The following SLX4 variants were observed in gnomAD, a reference collection of about 807,000 sequenced individuals.
SLX4 encodes structure-specific endonuclease subunit SLX4.
A neutral mutation model predicts 146.2 loss-of-function variants in SLX4; 112 were observed. The ratio of observed to expected loss-of-function variants is 0.77; its 90% CI spans 0.66 to 0.90. SLX4 has a LOEUF of 0.90. Among genes scored for constraint, SLX4 ranks in the 40% least tolerant of loss-of-function variants. The probability of loss-of-function intolerance (pLI) is 0.00; values close to 1 mark genes in which losing one functional copy is unlikely to be tolerated. For synonymous variants in SLX4, 1,061 were observed against 997.7 expected (o/e 1.06, Z -1.20); for missense variants, 2,563 against 2,392.7 (o/e 1.07, Z -1.49).
chr16:3,594,254 C>T (rs1002020915), intron 10 of SLX4, among the ~76,000 whole-genome samples, 199 bp downstream of exon 10: 8 of 152,058 alleles, frequency 5.3e-5, no homozygotes, highest in East Asian at 1.9e-4. Flanking sequence ...TAACCTCAAG[C>T]GTGGGTCTTT....
rs1192003538 is a variant in SLX4 at position 3,590,174 on chromosome 16, A to C, written c.3464T>G (p.Leu1155Arg). 6.2e-7 allele frequency: 1 copy of C among 1,614,192 alleles called. No individual in the cohort carries two copies. The highest frequency in any genetic ancestry group is 2.2e-5 in the East Asian group (1 of 44,882). The part of the protein sequence containing the change: ...LNEEDEVILL[L>R]DSDEELELEQ... ...TAGCTCCAGCTCCTCATCCGAGTCC[A>C]GTAAGAGGATGACCTCATCTTCTTC... The change falls in exon 12 of 15, where the codon CTG becomes CGG. Residue 1155 changes from leucine (L) to arginine (R), a missense_variant. Leu to Arg is a moderately radical substitution (Grantham distance 102). Coordinates refer to ENST00000294008, the MANE Select transcript of SLX4 (RefSeq NM_032444.4). The surrounding 1 kb of genome is among the most constrained non-coding windows in gnomAD (Gnocchi z 4.8).
intron 2 of SLX4, 108 bp from the exon 3 acceptor site, chr16:3,606,806 GT>G: frequency 8.4e-7 from 1 of 1,196,602 alleles, no homozygotes; most frequent in Non-Finnish European, 1.2e-6. Flanking sequence ...TTATCAACTA[GT>G]TTAGGTTTGA....
At position 3,608,542 on chromosome 16, in the gene SLX4, C is replaced by T. The variant is rs111405249; in HGVS notation, c.423G>A (p.Gly141=). Residue 141 remains glycine, a synonymous_variant, in exon 2 of 15, where the codon GGG becomes GGA. Transcript: ENST00000294008. ...GATCTGGAGCAGAGGCAAGCACACC[C>T]CCCTCCCCATTCACAGAGTGGGCCG... The part of the protein sequence containing the change: ...SEPAHSVNGE[G]GVLASAPDPP... 3 of 1,614,072 alleles carry T rather than the reference C, an allele frequency of 1.9e-6. No individual in the cohort carries two copies. The highest frequency in any genetic ancestry group is 2.7e-5 in the African/African-American group (2 of 74,908).
rs753327971 is a variant in SLX4, at chr16:3,589,669, T to C, written c.3969A>G (p.Ser1323=). 6.8e-6 allele frequency: 11 copies of C among 1,613,832 alleles called. No homozygotes were observed. The highest frequency in any genetic ancestry group is 2.2e-5 in the East Asian group (1 of 44,892). ...PQTPPPQTPS[S]CLTPVSPGTS... ...TTCCTGGAGAGACGGGAGTGAGGCA[T>C]GAGGACGGTGTCTGGGGCGGTGGTG... The change falls in exon 12 of 15, where the codon TCA becomes TCG. Residue 1323 remains serine (S), a synonymous_variant. Transcript: ENST00000294008. The surrounding 1 kb of genome is among the most constrained non-coding windows in gnomAD (Gnocchi z 6.2).
In SLX4 at chr16:3,608,664, T is replaced by C; in HGVS notation, c.301A>G (p.Lys101Glu). Residue 101 changes from lysine (K) to glutamate (E), a missense_variant, in exon 2 of 15, where the codon AAA becomes GAA. Physicochemically the swap from Lys to Glu is moderately conservative, Grantham distance 56 (BLOSUM62 1). Transcript: ENST00000294008. ...KRTKQTATKT[K>E]TLQGPAEKKP... ...TTCTCTGCAGGGCCTTGAAGGGTTT[T>C]GGTCTTGGTAGCAGTTTGTTTGGTC... The C allele has an allele frequency of 6.2e-7, 1 of 1,614,210 alleles. No individual in the cohort carries two copies.
At position 3,583,381 on chromosome 16, in the gene SLX4, C is replaced by T. The variant is rs372206872; in HGVS notation, c.4869G>A (p.Ala1623=). 294 of 1,612,816 alleles carry T rather than the reference C, an allele frequency of 1.8e-4. No individual in the cohort carries two copies. The highest frequency in any genetic ancestry group is 2.4e-4 in the Non-Finnish European group (280 of 1,179,086). Residue 1623 remains alanine (A), a synonymous_variant, in exon 14 of 15, where the codon GCG becomes GCA. Coordinates refer to ENST00000294008, the MANE Select transcript of SLX4 (RefSeq NM_032444.4). ...ESQSSQPLLQ[A]PHCQTLASQT... is the part of the protein sequence containing the mutation. ...GGGAGGCGAGGGTCTGGCAGTGAGG[C>T]GCCTGCAACAGCGGCTGTGAGGACT... is the stretch of plus-strand genomic sequence containing the variant.
At chr16:3,587,084 G>A (rs1166167569) in intron 12 of SLX4, among the ~76,000 whole-genome samples, 1 of 152,228 alleles carries the variant, frequency 6.6e-6, no homozygotes, top group Non-Finnish European at 1.5e-5. Context: ...AAATGTTCTA[G>A]AATTAGAGAG....
In SLX4 at chr16:3,590,148, C is replaced by G. The variant is rs2040565841; in HGVS notation, c.3490G>C (p.Glu1164Gln). ...LLDSDEELEL[E>Q]QTKMKSISSD... ...GAAATGGACTTCATTTTGGTTTGTT[C>G]TAGCTCCAGCTCCTCATCCGAGTCC... Residue 1164 changes from glutamate (E) to glutamine (Q), a missense_variant, in exon 12 of 15, where the codon GAA becomes CAA. By Grantham distance (29) the Glu-to-Gln change is conservative (BLOSUM62 2). Coordinates refer to ENST00000294008, the MANE Select transcript of SLX4 (RefSeq NM_032444.4). This position sits in a 1 kb window ranked among gnomAD's most constrained non-coding sequence, Gnocchi z 4.8. 1.2e-6 allele frequency: 2 copies of G among 1,614,088 alleles called. No homozygotes were observed. The highest frequency in any genetic ancestry group is 1.7e-6 in the Non-Finnish European group (2 of 1,180,042).
chr16:3,597,259 C>A lies in SLX4; in HGVS notation c.1683+120G>T. 2 of 1,204,778 alleles carry A rather than the reference C, an allele frequency of 1.7e-6. No individual in the cohort carries two copies. Among genetic ancestry groups the A allele is most frequent in the Non-Finnish European group, 2.3e-6 (2 of 883,694 alleles). 74.6% of individuals were successfully genotyped at this position (1,204,778 alleles called of 1,614,324 possible). On this transcript the variant is annotated intron_variant, in intron 7 of 14. Transcript: ENST00000294008. The surrounding 1 kb of genome is among the most constrained non-coding windows in gnomAD (Gnocchi z 4.4). ...CACCAAGTGCCCCTCTGGCCTCCTC[C>A]CGCCTCTGCCTTTCCTTCCTGGACT...
intron 3 of SLX4, among the ~76,000 whole-genome samples, chr16:3,603,819 A>T (rs2040754553): frequency 6.6e-6 from 1 of 152,190 alleles, no homozygotes; most frequent in South Asian, 2.1e-4. Flanking sequence ...ATGAGCCTCT[A>T]ATCTACTCAG....
Position 3,582,665 on chromosome 16 carries a change from A to G in SLX4, c.5182T>C (p.Phe1728Leu). 1 of 1,612,954 alleles carries G rather than the reference A, an allele frequency of 6.2e-7. No individual in the cohort carries two copies. The highest frequency in any genetic ancestry group is 8.5e-7 in the Non-Finnish European group (1 of 1,180,002). ...CCCTCCTCTTCACCTGCAGACTCAA[A>G]TGCCGCTCCAAACTCACAGGAGGAA... ...SSSSCEFGAAFESAGEEEGEG... is the reference protein window; with the variant it reads ...SSSSCEFGAALESAGEEEGEG... The change falls in exon 15 of 15, where the codon TTT becomes CTT. Residue 1728 changes from phenylalanine (F) to leucine (L), a missense_variant. Transcript: ENST00000294008.
chr16:3,589,020 C>T lies in SLX4; in HGVS notation c.4618G>A (p.Glu1540Lys), dbSNP rs769950582. Residue 1540 changes from glutamate (E) to lysine (K), a missense_variant, in exon 12 of 15, where the codon GAA (glutamate) becomes AAA (lysine). Glu to Lys is a moderately conservative substitution (Grantham distance 56). Transcript: ENST00000294008. This position sits in a 1 kb window ranked among gnomAD's most constrained non-coding sequence, Gnocchi z 6.2. ...TACTCACTGGGTGTCTCTAACCCTTCGGGCTTCTGAGCTCCACCAGCGCTT... is the reference window on the plus strand; with the variant it reads ...TACTCACTGGGTGTCTCTAACCCTTTGGGCTTCTGAGCTCCACCAGCGCTT... ...MPSAGGAQKP[E>K]GLETPKGANR... 35 of 1,614,012 alleles carry T rather than the reference C, an allele frequency of 2.2e-5. No individual in the cohort carries two copies. The East Asian group carries it at 4.0e-4, about 18-fold the overall frequency.
rs147455183 is a variant in SLX4, at chr16:3,587,574, G to T, written c.4636+1428C>A. ...CGGCAGGCTCTGTCTCCTGAGAAAA[G>T]CACGATTCTTCCTGTGGCCGCAGCG... is the stretch of plus-strand genomic sequence containing the variant. On this transcript the variant is annotated intron_variant, in intron 12 of 14. Coordinates refer to ENST00000294008, the MANE Select transcript of SLX4 (RefSeq NM_032444.4). Among the ~76,000 whole-genome samples the T allele has an allele frequency of 8.5e-4, 130 of 152,318 alleles. 1 individual carries two copies. Among genetic ancestry groups the T allele is most frequent in the African/African-American group, 3.0e-3 (125 of 41,558 alleles).
At chr16:3,592,135 G>A (rs1036533253) in intron 11 of SLX4, among the ~76,000 whole-genome samples, 1 of 152,262 alleles carries the variant, frequency 6.6e-6, no homozygotes, top group Non-Finnish European at 1.5e-5. Context: ...TCCAACTCCA[G>A]AGGCTGAGCT....
rs201252977 is a variant in SLX4, at chr16:3,594,413, G to A, written c.2160+40C>T. On this transcript the variant is annotated intron_variant, in intron 10 of 14. Transcript: ENST00000294008. ...GGAGAAAGGCAGGAGGAGAGAGGGA[G>A]AGAGAGGAAAGGAGGGCACACGGCA... 5 of 1,592,724 alleles carry A rather than the reference G, an allele frequency of 3.1e-6. 1 individual carries two copies. Among genetic ancestry groups the A allele is most frequent in the Middle Eastern group, 2.0e-4 (1 of 5,042 alleles).
chr16:3,607,165 T>G (rs2040795709), intron 2 of SLX4, among the ~76,000 whole-genome samples: 1 of 152,226 alleles, frequency 6.6e-6, no homozygotes, highest in Non-Finnish European at 1.5e-5. Context: ...TGGGGATCCA[T>G]GAACCCCATG....
intron 11 of SLX4, among the ~76,000 whole-genome samples, chr16:3,592,203 C>A (rs1259756157): frequency 6.6e-6 from 1 of 152,252 alleles, no homozygotes. Context: ...GCGGCCCAGG[C>A]CCTGTCCAGA....
chr16:3,591,210 T>C lies in SLX4; in HGVS notation c.2428A>G (p.Ser810Gly). The change falls in exon 12 of 15, where the codon AGC (serine) becomes GGC (glycine). Residue 810 changes from serine to glycine, a missense_variant. By Grantham distance (56) the Ser-to-Gly change is moderately conservative. Coordinates refer to ENST00000294008, the MANE Select transcript of SLX4 (RefSeq NM_032444.4). Reference protein sequence around the residue: ...WEEKEAENCESRAENFQELLR... With the variant: ...WEEKEAENCEGRAENFQELLR... ...AGTTCCTGGAAATTCTCGGCCCTGC[T>C]TTCGCAATTCTCTGCTTCCTTCTCC... The C allele has an allele frequency of 2.5e-6, 4 of 1,614,096 alleles. No individual in the cohort carries two copies. Among genetic ancestry groups the C allele is most frequent in the South Asian group, 1.1e-5 (1 of 91,092 alleles).
At position 3,590,977 on chromosome 16, in the gene SLX4, A is replaced by G; in HGVS notation, c.2661T>C (p.Ser887=). Residue 887 remains serine, a synonymous_variant, in exon 12 of 15, where the codon TCT becomes TCC. Transcript: ENST00000294008. This position sits in a 1 kb window ranked among gnomAD's most constrained non-coding sequence, Gnocchi z 4.8. ...CCTGGACACCTGCTAGGAGTTGCCC[A>G]GAAACCGGACTGCCACCCTCCAGCC... ...ADWLEGGSPV[S]GQLLAGVQVQ... The G allele has an allele frequency of 2.5e-6, 4 of 1,614,210 alleles. No homozygotes were observed. Among genetic ancestry groups the G allele is most frequent in the Non-Finnish European group, 3.4e-6 (4 of 1,180,036 alleles).
Sources: gnomAD v4.1 joint callset for allele counts (sites outside exome capture counted in the v4.1 genomes callset) on GRCh38, gnomAD v4.1.1 for gene constraint, Gnocchi (gnomAD v3.1) non-coding constraint, MANE v1.5 for transcripts, NCBI Gene and HGNC (gene_info 2026-07-23, HGNC 2026-07-21) for gene names.